USP34: variants seen among roughly 807,000 people sequenced by gnomAD.
USP34 encodes ubiquitin specific peptidase 34.
Under a neutral mutation model 460.3 loss-of-function variants are expected in USP34, and 70 were observed. The observed-to-expected ratio is 0.15, with a 90% CI of 0.13 to 0.19. The LOEUF is 0.19. USP34 is among the 10% of genes least tolerant of loss of function. The probability of loss-of-function intolerance (pLI) is 1.00; values close to 1 mark genes in which losing one functional copy is unlikely to be tolerated. For missense variants in USP34, 3,985 were observed against 4,236.2 expected (o/e 0.94, Z 1.65); for synonymous variants, 1,647 against 1,405.3 (o/e 1.17, Z -3.85).
intron 6 of USP34, among the ~76,000 whole-genome samples, 174 bp downstream of exon 6, chr2:61,383,095 C>T (rs916272498): frequency 6.6e-6 from 1 of 152,052 alleles, no homozygotes; most frequent in East Asian, 1.9e-4. Flanking sequence ...AAAAAGTAAC[C>T]ATTAAATATA....
rs190832014 is a variant in USP34, at chr2:61,444,580, A to G, written c.44-23747T>C. ...TTCAAGAAGCACTATGAATCCCAAT[A>G]AATACAAAATCAGATGCGGACTTGT... On this transcript the variant is annotated intron_variant, in intron 1 of 79. Coordinates refer to ENST00000398571, the MANE Select transcript of USP34 (RefSeq NM_014709.4). Among the ~76,000 whole-genome samples the G allele has an allele frequency of 1.4e-3, 219 of 152,346 alleles. 3 individuals carry two copies. In the Middle Eastern group the frequency reaches 0.017, roughly 12 times the overall value.
intron 2 of USP34, among the ~76,000 whole-genome samples, chr2:61,417,739 CTTTTCT>C (rs1573021066): frequency 0.081 from 6,499 of 80,514 alleles, 129 homozygotes; most frequent in Middle Eastern, 0.12. Flanking sequence ...TTCTTTTTTT[CTTTTCT>C]TTTTTTTTTT....
At chr2:61,298,537 C>CAAAAAAAAAAAAAAAAAAAAA (rs57087400) in intron 29 of USP34, among the ~76,000 whole-genome samples, 4 of 28,288 alleles carry the variant, frequency 1.4e-4, no homozygotes, top group African/African-American at 1.7e-4. Flanking sequence ...GACTCTGTCT[C>CAAAAAAAAAAAAAAAAAAAAA]AAAAAAAAAA....
At position 61,281,246 on chromosome 2, in the gene USP34, G is replaced by C. The variant is rs1558507766; in HGVS notation, c.4999-4C>G. Reference sequence around the variant, plus strand: ...ATGATTCATGACGAACTGCAGTCTAGATGAAAAAGAAAGTTCCACAAACAG... The same window carrying C: ...ATGATTCATGACGAACTGCAGTCTACATGAAAAAGAAAGTTCCACAAACAG... On this transcript the variant is annotated splice_region_variant and splice_polypyrimidine_tract_variant and intron_variant, in intron 37 of 79. Coordinates refer to ENST00000398571, the MANE Select transcript of USP34 (RefSeq NM_014709.4). The C allele has an allele frequency of 1.2e-6, 2 of 1,605,018 alleles. No individual in the cohort carries two copies. The highest frequency in any genetic ancestry group is 1.7e-6 in the Non-Finnish European group (2 of 1,176,762).
At chr2:61,400,083 T>C (rs1693667303) in intron 3 of USP34, among the ~76,000 whole-genome samples, 1 of 149,962 alleles carries the variant, frequency 6.7e-6, no homozygotes, top group African/African-American at 2.5e-5. Context: ...CAGAGAGAAA[T>C]AAATGAGTAA....
chr2:61,399,485 T>A (rs1693644456), intron 3 of USP34, among the ~76,000 whole-genome samples: 1 of 152,032 alleles, frequency 6.6e-6, no homozygotes, highest in Non-Finnish European at 1.5e-5. Flanking sequence ...TAAAATGTTA[T>A]AATCTCATTT....
chr2:61,381,537 T>G (rs917238796), intron 6 of USP34, among the ~76,000 whole-genome samples: 1 of 152,218 alleles, frequency 6.6e-6, no homozygotes, highest in East Asian at 1.9e-4. Context: ...AGTCTCGCTA[T>G]GTTGCCCAGA....
At chr2:61,231,923 T>C (rs1056298970) in intron 58 of USP34, among the ~76,000 whole-genome samples, 4 of 150,786 alleles carry the variant, frequency 2.7e-5, no homozygotes, top group Admixed American at 2.0e-4. Flanking sequence ...ATCTCAATAG[T>C]AACTGGAAAG....
chr2:61,238,283 T>C (rs1407664882), intron 53 of USP34, among the ~76,000 whole-genome samples: 2 of 152,194 alleles, frequency 1.3e-5, no homozygotes, highest in African/African-American at 2.4e-5. Flanking sequence ...AGGTCACTTT[T>C]TGGCTTCCAA....
chr2:61,405,412 C>T (rs1048523124), intron 3 of USP34, among the ~76,000 whole-genome samples: 9 of 151,912 alleles, frequency 5.9e-5, no homozygotes, highest in Admixed American at 4.6e-4. Flanking sequence ...TTTCCCTCAA[C>T]TATTATTTAT....
intron 44 of USP34, 73 bp from the exon 45 acceptor site, chr2:61,257,423 T>A: frequency 1.6e-6 from 2 of 1,251,372 alleles, no homozygotes; most frequent in Non-Finnish European, 1.1e-6. Context: ...AATGAACATA[T>A]AACAAAAACA....
intron 10 of USP34, among the ~76,000 whole-genome samples, chr2:61,353,302 CT>C (rs200359321): frequency 3.3e-5 from 5 of 150,706 alleles, no homozygotes; most frequent in South Asian, 2.1e-4. Context: ...TAGAGTTGTA[CT>C]TTTTTTTTGC....
At chr2:61,404,589 G>A (rs931190389) in intron 3 of USP34, among the ~76,000 whole-genome samples, 3 of 152,102 alleles carry the variant, frequency 2.0e-5, no homozygotes, top group Admixed American at 6.5e-5. Context: ...TACCCTAGTG[G>A]AAAATAAGCC....
At chr2:61,244,939 A>G (rs536442789) in intron 51 of USP34, among the ~76,000 whole-genome samples, 2 of 152,284 alleles carry the variant, frequency 1.3e-5, no homozygotes, top group South Asian at 4.1e-4. Flanking sequence ...AATTTACTCA[A>G]TCTTATTCTC....
chr2:61,187,667 C>G lies in USP34; in HGVS notation c.*435G>C. ...CAGAATCAAATTTCTTGTGGTTGTT[C>G]CGTATACAAGTAAACTTAATTTTGA... On this transcript the variant is annotated 3_prime_UTR_variant, in exon 80 of 80. Transcript: ENST00000398571. The G allele has an allele frequency of 3.5e-6, 2 of 569,236 alleles. No homozygotes were observed. Among genetic ancestry groups the G allele is most frequent in the Non-Finnish European group, 4.5e-6 (2 of 448,172 alleles). 35.3% of individuals were successfully genotyped at this position (569,236 alleles called of 1,614,324 possible).
intron 41 of USP34, among the ~76,000 whole-genome samples, chr2:61,273,914 T>G (rs1689293585): frequency 6.6e-6 from 1 of 152,080 alleles, no homozygotes; most frequent in South Asian, 2.1e-4. Flanking sequence ...TGGGTACATA[T>G]CTGAAAAAAA....
Position 61,470,710 on chromosome 2 carries a change from C to A in USP34, c.-18G>T. On this transcript the variant is annotated 5_prime_UTR_variant, in exon 1 of 80. Coordinates refer to ENST00000398571, the MANE Select transcript of USP34 (RefSeq NM_014709.4). ...TCGCACATCGTTCGGCCGCCGCCCCCCCCCTCCCCCGCTTCGGATCACACT... is the reference window on the plus strand; with the variant it reads ...TCGCACATCGTTCGGCCGCCGCCCCACCCCTCCCCCGCTTCGGATCACACT... 1 of 1,588,990 alleles carries A rather than the reference C, an allele frequency of 6.3e-7. No homozygotes were observed. The highest frequency in any genetic ancestry group is 8.6e-7 in the Non-Finnish European group (1 of 1,167,092).
rs1178630744 is a variant in USP34 at position 61,257,361 on chromosome 2, A to G, written c.5845-11T>C. On this transcript the variant is annotated splice_polypyrimidine_tract_variant and intron_variant, in intron 44 of 79. Transcript: ENST00000398571. ...TTTGCATTCACTCTCCTGCAAATAA[A>G]AAGGGGAACATTCTAAGTGTCAGAT... The G allele has an allele frequency of 1.9e-6, 3 of 1,559,912 alleles. No homozygotes were observed. The highest frequency in any genetic ancestry group is 1.4e-5 in the African/African-American group (1 of 72,876).
intron 27 of USP34, among the ~76,000 whole-genome samples, chr2:61,305,491 C>T (rs546134754): frequency 2.6e-5 from 4 of 151,878 alleles, no homozygotes; most frequent in Admixed American, 1.3e-4. Context: ...AACACTCACA[C>T]ACAAAAAAAC....
Sources: gnomAD v4.1 joint callset for allele counts (sites outside exome capture counted in the v4.1 genomes callset) on GRCh38, gnomAD v4.1.1 for gene constraint, MANE v1.5 for transcripts, NCBI Gene and HGNC (gene_info 2026-07-23, HGNC 2026-07-21) for gene names.